Variants in SLC2A5 observed in about 807,000 individuals in gnomAD.
SLC2A5 encodes the protein solute carrier family 2, facilitated glucose transporter member 5.
In SLC2A5, 56 loss-of-function variants were observed where a neutral mutation model predicts 50.3. That is an observed-to-expected ratio of 1.11 (90% CI 0.90 to 1.39). The LOEUF (loss-of-function observed/expected upper bound fraction) is 1.39, where lower values mean the gene tolerates loss of function less well. SLC2A5 is among the 40% of genes most tolerant of loss of function. The probability of loss-of-function intolerance (pLI) is 0.00; values close to 1 mark genes in which losing one functional copy is unlikely to be tolerated. For synonymous variants in SLC2A5, 269 were observed against 281.9 expected, an observed-to-expected ratio of 0.95 and a Z score of 0.46; for missense variants, 566 against 650.1, an observed-to-expected ratio of 0.87 and a Z score of 1.41.
chr1:9,060,959 G>A (rs1279583622), intron 1 of SLC2A5, among the ~76,000 whole-genome samples: 3 of 151,680 alleles, frequency 2.0e-5, no homozygotes, highest in African/African-American at 7.3e-5. Flanking sequence ...AGAGAGGGGT[G>A]GGGGTGAGGG....
chr1:9,038,113 C>T (rs544725873), intron 10 of SLC2A5, 89 bp from the exon 11 acceptor site: 3 of 1,492,840 alleles, frequency 2.0e-6, no homozygotes, highest in African/African-American at 1.4e-5. Flanking sequence ...GTAGCTGGCC[C>T]CAGGACAGAG....
At chr1:9,065,513 C>T (rs1192625019) in intron 1 of SLC2A5, among the ~76,000 whole-genome samples, 1 of 152,194 alleles carries the variant, frequency 6.6e-6, no homozygotes, top group Non-Finnish European at 1.5e-5. Context: ...AGCTATGTCA[C>T]TTTATCACAC....
Position 9,059,258 on chromosome 1 carries a change from T to A in SLC2A5, c.34-1008A>T, listed in dbSNP as rs890646532. ...CCTGGGTTCACGCCATTCTCCTGCC[T>A]TAGCCTCCCAAATAGCTGGGACTAC... On this transcript the variant is annotated intron_variant, in intron 1 of 11. Transcript: ENST00000377424. 2.0e-5 allele frequency among the ~76,000 whole-genome samples: 3 copies of A among 147,444 alleles called. No homozygotes were observed. The Admixed American group carries it at 2.1e-4, about 10-fold the overall frequency.
upstream of SLC2A5, among the ~76,000 whole-genome samples, chr1:9,073,871 G>C (rs1446080652): frequency 1.3e-5 from 2 of 152,174 alleles, no homozygotes; most frequent in African/African-American, 4.8e-5. Context: ...GCGGATTACA[G>C]GAATTCAAGA....
upstream of SLC2A5, among the ~76,000 whole-genome samples, chr1:9,070,058 G>A (rs1482662506): frequency 7.6e-6 from 1 of 131,766 alleles, no homozygotes; most frequent in East Asian, 2.4e-4. Flanking sequence ...TTTGGGGAAA[G>A]TTTCTCATTT....
At chr1:9,093,913 G>T in the SLC2A5 span, among the ~76,000 whole-genome samples, 1 of 152,088 alleles carries the variant, frequency 6.6e-6, no homozygotes, top group South Asian at 2.1e-4. Flanking sequence ...CTGACATGCT[G>T]GTCGGCAATT....
chr1:9,057,432 A>C lies in SLC2A5; in HGVS notation c.293+16T>G. On this transcript the variant is annotated intron_variant, in intron 3 of 11. Coordinates refer to ENST00000377424, the MANE Select transcript of SLC2A5 (RefSeq NM_003039.3). ...GTCTATGAGTTTCAGGGAATTAAAAATTCACCTTCCCTTACCTGCCAAATT... is the reference window on the plus strand; with the variant it reads ...GTCTATGAGTTTCAGGGAATTAAAACTTCACCTTCCCTTACCTGCCAAATT... 1 of 1,595,634 alleles carries C rather than the reference A, an allele frequency of 6.3e-7. No homozygotes were observed. Among genetic ancestry groups the C allele is most frequent in the Non-Finnish European group, 8.5e-7 (1 of 1,170,828 alleles).
intron 2 of SLC2A5, among the ~76,000 whole-genome samples, chr1:9,080,241 T>C (rs1642337196): frequency 6.6e-6 from 1 of 152,228 alleles, no homozygotes; most frequent in African/African-American, 2.4e-5. Context: ...ATTAATACCT[T>C]TGGCAATTGT....
At chr1:9,067,381 C>T (rs1642109315) in intron 1 of SLC2A5, among the ~76,000 whole-genome samples, 1 of 152,244 alleles carries the variant, frequency 6.6e-6, no homozygotes, top group Admixed American at 6.5e-5. Context: ...CCATGCCTCT[C>T]GCATGTGGCC....
chr1:9,075,209 T>C (rs1557684120), intron 2 of SLC2A5, among the ~76,000 whole-genome samples: 1 of 152,174 alleles, frequency 6.6e-6, no homozygotes, highest in African/African-American at 2.4e-5. Context: ...GGTCTGTCTG[T>C]GTTTATGTCC....
At position 9,042,008 on chromosome 1, in the gene SLC2A5, A is replaced by G. The variant is rs562241893; in HGVS notation, c.419-71T>C. 7.5e-6 allele frequency: 11 copies of G among 1,469,904 alleles called. No homozygotes were observed. The African/African-American group carries it at 1.1e-4, about 15-fold the overall frequency. 91.1% of individuals were successfully genotyped at this position (1,469,904 alleles called of 1,614,324 possible). ...GCAGGGACAAGCTGTCTTCAAGTATACTATTCTTAGCAATAACATTATTTG... is the reference window on the plus strand; with the variant it reads ...GCAGGGACAAGCTGTCTTCAAGTATGCTATTCTTAGCAATAACATTATTTG... On this transcript the variant is annotated intron_variant, in intron 4 of 11. Transcript: ENST00000377424.
At chr1:9,045,228 C>T (rs1641406514) in intron 4 of SLC2A5, among the ~76,000 whole-genome samples, 1 of 152,004 alleles carries the variant, frequency 6.6e-6, no homozygotes, top group African/African-American at 2.4e-5. Context: ...TCAAACAAGG[C>T]CACTCTTCAT....
chr1:9,089,110 A>G (rs1352571384), upstream of SLC2A5, among the ~76,000 whole-genome samples: 13 of 152,226 alleles, frequency 8.5e-5, no homozygotes, highest in Admixed American at 8.5e-4. Flanking sequence ...TCCATAATCA[A>G]GCCCCTATAC....
rs181971423 is a variant in SLC2A5 at position 9,077,767 on chromosome 1, G to A, written c.-59+7247C>T. ...AGAGAGGGAGGGAGGGAGAGAGGGA[G>A]GGAGGGAGGGAAAGAAGGGGAAGAA... On this transcript the variant is annotated intron_variant, in intron 2 of 5. Coordinates refer to the SLC2A5 transcript ENST00000464985. 4.3e-3 allele frequency among the ~76,000 whole-genome samples: 617 copies of A among 144,874 alleles called. 7 individuals are homozygous for A. Among genetic ancestry groups the A allele is most frequent in the Non-Finnish European group, 7.8e-3 (515 of 66,050 alleles).
intron 1 of SLC2A5, among the ~76,000 whole-genome samples, chr1:9,059,427 G>A (rs1236483019): frequency 1.3e-5 from 2 of 151,970 alleles, no homozygotes; most frequent in East Asian, 1.9e-4. Context: ...ACAGGCGTGA[G>A]CCACCACGCC....
At chr1:9,093,924 A>T in the SLC2A5 span, among the ~76,000 whole-genome samples, 3 of 152,292 alleles carry the variant, frequency 2.0e-5, no homozygotes, top group African/African-American at 7.2e-5. Context: ...GTCGGCAATT[A>T]TCCCATTTCC....
chr1:9,047,689 C>T lies in SLC2A5; in HGVS notation c.339G>A (p.Ala113=), dbSNP rs201650605. 6.3e-5 allele frequency: 101 copies of T among 1,613,888 alleles called. 1 individual carries two copies. The highest frequency in any genetic ancestry group is 6.0e-4 in the South Asian group (55 of 91,064). The change falls in exon 4 of 12, where the codon GCG becomes GCA. Residue 113 remains alanine (A), a synonymous_variant. Transcript: ENST00000377424. ...LFNNIFSIVP[A]ILMGCSRVAT... is the part of the protein sequence containing the mutation. ...CGACTCTGCTGCATCCCATTAAGAT[C>T]GCAGGCACGATAGAAAATATGTTGT...
intron 2 of SLC2A5, among the ~76,000 whole-genome samples, chr1:9,079,676 G>A (rs1212231713): frequency 3.3e-5 from 5 of 151,954 alleles, no homozygotes; most frequent in Non-Finnish European, 7.4e-5. Flanking sequence ...TAGTAGAGAC[G>A]GGGTTTCACC....
At chr1:9,052,296 A>G (rs1045336315) in intron 3 of SLC2A5, among the ~76,000 whole-genome samples, 1 of 152,172 alleles carries the variant, frequency 6.6e-6, no homozygotes, top group Non-Finnish European at 1.5e-5. Context: ...AAAAAAAGAA[A>G]GAAAGAAAAT....
Sources: gnomAD v4.1 joint callset for allele counts (sites outside exome capture counted in the v4.1 genomes callset) on GRCh38, gnomAD v4.1.1 for gene constraint, MANE v1.5 for transcripts, NCBI Gene and HGNC (gene_info 2026-07-23, HGNC 2026-07-21) for gene names.